The following SLC9A9 variants were observed in gnomAD, a reference collection of about 807,000 sequenced individuals.
The protein encoded by SLC9A9 is solute carrier family 9 member A9.
Under a neutral mutation model 77.8 loss-of-function variants are expected in SLC9A9, and 62 were observed. The ratio of observed to expected loss-of-function variants is 0.80; its 90% CI spans 0.65 to 0.98. SLC9A9 has a LOEUF of 0.98. Ranked by LOEUF, SLC9A9 falls within the 50% of genes least tolerant of loss-of-function variation. The pLI is 0.00. For missense variants in SLC9A9, 775 were observed against 774.9 expected, an observed-to-expected ratio of 1.00 and a Z score of 0.00; for synonymous variants, 320 against 283.5, an observed-to-expected ratio of 1.13 and a Z score of -1.29.
chr3:143,807,590 C>T (rs1024176952), intron 2 of SLC9A9, among the ~76,000 whole-genome samples: 3 of 151,778 alleles, frequency 2.0e-5, no homozygotes, highest in Admixed American at 6.6e-5. Flanking sequence ...ACTAAAAATA[C>T]AAAAATTAGC....
rs149413047 is a variant in SLC9A9, at chr3:143,455,408, T to C, written c.1469+11629A>G. ...TTTTAGCTATTCTAGTTACTCTGCA[T>C]TTCTTTCTAAATTTAAAAATCAGTT... On this transcript the variant is annotated intron_variant, in intron 12 of 15. Transcript: ENST00000316549. 7.1e-3 allele frequency among the ~76,000 whole-genome samples: 1,088 copies of C among 152,346 alleles called. 12 individuals carry two copies. The highest frequency in any genetic ancestry group is 0.024 in the African/African-American group (1,004 of 41,570).
chr3:143,734,221 A>AT (rs1037838932), intron 4 of SLC9A9, among the ~76,000 whole-genome samples: 5 of 152,020 alleles, frequency 3.3e-5, no homozygotes, highest in African/African-American at 1.2e-4. Flanking sequence ...TAAAAGAAAA[A>AT]AAAAAAGAAA....
chr3:143,803,105 C>T (rs2008611023), intron 2 of SLC9A9, among the ~76,000 whole-genome samples: 1 of 152,172 alleles, frequency 6.6e-6, no homozygotes, highest in Non-Finnish European at 1.5e-5. Flanking sequence ...CCTACTTAGT[C>T]ATCTATAGTA....
At chr3:143,498,823 T>G (rs1332479339) in intron 9 of SLC9A9, among the ~76,000 whole-genome samples, 1 of 152,186 alleles carries the variant, frequency 6.6e-6, no homozygotes, top group Non-Finnish European at 1.5e-5. Context: ...GGACAATACA[T>G]ACCCTCGCAT....
intron 11 of SLC9A9, among the ~76,000 whole-genome samples, chr3:143,475,528 C>T (rs1348596936): frequency 2.0e-5 from 3 of 151,922 alleles, no homozygotes; most frequent in Non-Finnish European, 2.9e-5. Context: ...TGCAGTGGCT[C>T]ATGCCTGTAA....
Position 143,375,396 on chromosome 3 carries a change from C to T in SLC9A9, c.1524+6664G>A, listed in dbSNP as rs188805938. Among the ~76,000 whole-genome samples, 8 of 152,286 alleles carry T rather than the reference C, an allele frequency of 5.3e-5. No individual in the cohort carries two copies. In the East Asian group the frequency reaches 1.4e-3, roughly 26 times the overall value. On this transcript the variant is annotated intron_variant, in intron 13 of 15. Coordinates refer to ENST00000316549, the MANE Select transcript of SLC9A9 (RefSeq NM_173653.4). ...ATACACCTGTTTTTTAGGACGACCTCGTAATTTTCTCTGGTCAACAGAATG... is the reference window on the plus strand; with the variant it reads ...ATACACCTGTTTTTTAGGACGACCTTGTAATTTTCTCTGGTCAACAGAATG...
chr3:143,621,002 G>A (rs1370973725), intron 6 of SLC9A9, among the ~76,000 whole-genome samples: 2 of 152,174 alleles, frequency 1.3e-5, no homozygotes, highest in African/African-American at 4.8e-5. Context: ...CTATGCCCAT[G>A]GAGCCTCGCT....
intron 14 of SLC9A9, among the ~76,000 whole-genome samples, chr3:143,275,360 C>T (rs1253751902): frequency 6.6e-6 from 1 of 152,028 alleles, no homozygotes; most frequent in Non-Finnish European, 1.5e-5. Flanking sequence ...GTCGGTTGTT[C>T]TAGGTTGATG....
Position 143,265,405 on chromosome 3 carries a change from C to G in SLC9A9, c.*1297G>C. On this transcript the variant is annotated 3_prime_UTR_variant, in exon 16 of 16. Transcript: ENST00000316549. ...CATAGCAGTGTGCCTGATACCACCACAGTGAATGTTGTTTAAGGCCTAACA... is the reference window on the plus strand; with the variant it reads ...CATAGCAGTGTGCCTGATACCACCAGAGTGAATGTTGTTTAAGGCCTAACA... The G allele has an allele frequency of 6.5e-6, 1 of 153,646 alleles. No homozygotes were observed. The highest frequency in any genetic ancestry group is 1.9e-4 in the East Asian group (1 of 5,222). 9.5% of individuals were successfully genotyped at this position (153,646 alleles called of 1,614,324 possible). A position where few individuals can be genotyped will look rare whatever the true frequency, so the allele number is the denominator to read the frequency against.
intron 6 of SLC9A9, among the ~76,000 whole-genome samples, chr3:143,597,986 G>A (rs920413611): frequency 2.0e-5 from 3 of 152,092 alleles, no homozygotes; most frequent in African/African-American, 7.2e-5. Flanking sequence ...TCGCAGTATC[G>A]AGAGCTGTTG....
intron 12 of SLC9A9, among the ~76,000 whole-genome samples, chr3:143,397,510 G>A (rs141275551): frequency 6.2e-4 from 95 of 152,312 alleles, no homozygotes; most frequent in Admixed American, 2.1e-3. Context: ...GGGTCTGAGC[G>A]AGAAGTGGAA....
At chr3:143,357,561 A>G (rs1370200301) in intron 14 of SLC9A9, among the ~76,000 whole-genome samples, 2 of 152,262 alleles carry the variant, frequency 1.3e-5, no homozygotes, top group South Asian at 2.1e-4. Context: ...TATACACTAG[A>G]AACACTTATG....
rs550912372 is a variant in SLC9A9 at position 143,822,912 on chromosome 3, A to G, written c.378+9107T>C. On this transcript the variant is annotated intron_variant, in intron 2 of 15. Coordinates refer to ENST00000316549, the MANE Select transcript of SLC9A9 (RefSeq NM_173653.4). The stretch of plus-strand genomic sequence containing the variant: ...CTCTGCCTCCTTCCATCCCTACGCA[A>G]TTATTTGGAGAGCAGACTTTTTAGC... Among the ~76,000 whole-genome samples the G allele has an allele frequency of 7.2e-5, 11 of 152,030 alleles. No homozygotes were observed. In the East Asian group the frequency reaches 1.9e-3, roughly 27 times the overall value.
chr3:143,423,208 C>T (rs74850749), intron 12 of SLC9A9, among the ~76,000 whole-genome samples: 68,138 of 146,854 alleles, frequency 0.46, 15,714 homozygotes, highest in South Asian at 0.49. Context: ...CTTACCCTCA[C>T]ACACACGTAC....
intron 6 of SLC9A9, among the ~76,000 whole-genome samples, chr3:143,647,597 CA>C (rs1340317234): frequency 4.6e-5 from 7 of 152,100 alleles, no homozygotes; most frequent in African/African-American, 1.7e-4. Flanking sequence ...TGATTTTAAC[CA>C]TTTATGTCTT....
chr3:143,640,913 C>T (rs2038610238), intron 6 of SLC9A9, among the ~76,000 whole-genome samples: 1 of 152,124 alleles, frequency 6.6e-6, no homozygotes, highest in African/African-American at 2.4e-5. Context: ...TCAAAGTCAT[C>T]TGTGCACATA....
At chr3:143,800,942 C>T (rs1295505003) in intron 2 of SLC9A9, among the ~76,000 whole-genome samples, 1 of 152,192 alleles carries the variant, frequency 6.6e-6, no homozygotes, top group Non-Finnish European at 1.5e-5. Context: ...AAACTGATCT[C>T]TCAAACCCCA....
At chr3:143,790,909 T>A (rs2008198482) in intron 4 of SLC9A9, among the ~76,000 whole-genome samples, 1 of 152,206 alleles carries the variant, frequency 6.6e-6, no homozygotes, top group Admixed American at 6.5e-5. Context: ...TAAGAGCATA[T>A]AATTTTTGTT....
At chr3:143,844,753 C>CTT (rs1181615121) in intron 1 of SLC9A9, among the ~76,000 whole-genome samples, 1 of 147,122 alleles carries the variant, frequency 6.8e-6, no homozygotes, top group Admixed American at 6.8e-5. Context: ...TTCTTTCTTT[C>CTT]TTTCTTTCTT....
Sources: allele counts gnomAD v4.1 joint callset (sites outside exome capture counted in the v4.1 genomes callset), GRCh38; gene constraint gnomAD v4.1.1; transcripts MANE v1.5; gene names NCBI Gene and HGNC (gene_info 2026-07-23, HGNC 2026-07-21).